Variants in GTF3C1 observed in about 807,000 individuals in gnomAD.
The protein encoded by GTF3C1 is general transcription factor 3C polypeptide 1.
In GTF3C1, 57 loss-of-function variants were observed where a neutral mutation model predicts 226.7. That is an observed-to-expected ratio of 0.25 (90% CI 0.20 to 0.31). The LOEUF (loss-of-function observed/expected upper bound fraction) is 0.31. GTF3C1 is among the 10% of genes least tolerant of loss of function. The pLI, the probability that GTF3C1 is intolerant of heterozygous loss-of-function variation, is 1.00. For missense variants in GTF3C1, 2,217 were observed against 2,776.1 expected (o/e 0.80, Z 4.53); for synonymous variants, 1,090 against 1,084.8 (o/e 1.00, Z -0.09).
rs1479916265 is a variant in GTF3C1, at chr16:27,495,374, T to C, written c.2469A>G (p.Pro823=). 6.2e-7 allele frequency: 1 copy of C among 1,614,176 alleles called. No homozygotes were observed. The highest frequency in any genetic ancestry group is 8.5e-7 in the Non-Finnish European group (1 of 1,179,986). The change falls in exon 15 of 37, where the codon CCA becomes CCG. Residue 823 remains proline (P), a synonymous_variant. Transcript: ENST00000356183. ...TCGTTCTCCGTTCACTGATGAAGCT[T>C]GGCTTCTCCACGGTGTTGCTGGCAG... is the stretch of plus-strand genomic sequence containing the variant. The part of the protein sequence containing the change: ...GHPASNTVEK[P]SFISERRTIK...
intron 27 of GTF3C1, among the ~76,000 whole-genome samples, chr16:27,479,826 T>G (rs553230550): frequency 6.6e-6 from 1 of 152,186 alleles, no homozygotes; most frequent in Admixed American, 6.5e-5. Flanking sequence ...ACAATCAGTA[T>G]TAAACTGTTA....
intron 23 of GTF3C1, among the ~76,000 whole-genome samples, chr16:27,487,791 G>A (rs1214253511): frequency 6.6e-6 from 1 of 152,006 alleles, no homozygotes; most frequent in Non-Finnish European, 1.5e-5. Context: ...AGACTCTGAC[G>A]CAAAAAAATA....
intron 12 of GTF3C1, among the ~76,000 whole-genome samples, chr16:27,499,054 G>A (rs1392911993): frequency 6.6e-6 from 1 of 152,130 alleles, no homozygotes; most frequent in Non-Finnish European, 1.5e-5. Context: ...GGTCTCTGTT[G>A]CTACCTGGAG....
intron 6 of GTF3C1, among the ~76,000 whole-genome samples, chr16:27,514,160 ACAG>A (rs927628887): frequency 4.8e-4 from 73 of 152,294 alleles, no homozygotes; most frequent in African/African-American, 1.6e-3. Context: ...TCCACTCCTC[ACAG>A]CATCAGAAAG....
Position 27,492,955 on chromosome 16 carries a change from G to A in GTF3C1, c.2877-242C>T, listed in dbSNP as rs2088255643. Among the ~76,000 whole-genome samples the A allele has an allele frequency of 6.6e-6, 1 of 151,752 alleles. No individual in the cohort carries two copies. The highest frequency in any genetic ancestry group is 1.5e-5 in the Non-Finnish European group (1 of 67,928). The stretch of plus-strand genomic sequence containing the variant: ...ATTTGGAAAGTAAAAGTAATGAAAG[G>A]GAAAAAAAATTCCGATACTTGCAGA... On this transcript the variant is annotated intron_variant, in intron 17 of 36. Transcript: ENST00000356183. The surrounding 1 kb of genome is among the most constrained non-coding windows in gnomAD (Gnocchi z 5.0).
intron 28 of GTF3C1, among the ~76,000 whole-genome samples, 187 bp from the exon 29 acceptor site, chr16:27,476,731 A>G (rs887082140): frequency 2.6e-5 from 4 of 152,228 alleles, no homozygotes; most frequent in Non-Finnish European, 4.4e-5. Flanking sequence ...TGCAGGAGAA[A>G]AGTTTCTTTT....
At chr16:27,479,315 C>T (rs2088003154) in intron 27 of GTF3C1, among the ~76,000 whole-genome samples, 1 of 146,722 alleles carries the variant, frequency 6.8e-6, no homozygotes, top group African/African-American at 2.6e-5. Flanking sequence ...AAACCATTTC[C>T]CCATTTTTTT....
intron 23 of GTF3C1, 95 bp downstream of exon 23, chr16:27,488,132 G>A: frequency 9.4e-7 from 1 of 1,060,488 alleles, no homozygotes; most frequent in Non-Finnish European, 1.4e-6. Flanking sequence ...CCGTGCTGAA[G>A]GGCAGAGCTC....
chr16:27,543,992 A>G (rs761628864), intron 2 of GTF3C1, among the ~76,000 whole-genome samples: 2 of 152,192 alleles, frequency 1.3e-5, no homozygotes, highest in Admixed American at 1.3e-4. Context: ...GCGTGGGTGC[A>G]GAGTCAAAGA....
At chr16:27,500,196 T>C (rs951033409) in intron 12 of GTF3C1, among the ~76,000 whole-genome samples, 1 of 152,152 alleles carries the variant, frequency 6.6e-6, no homozygotes, top group Non-Finnish European at 1.5e-5. Context: ...GCACTGCTAC[T>C]ACTGGGCTGC....
Position 27,462,339 on chromosome 16 carries a change from G to A in GTF3C1, c.6072C>T (p.His2024=). 1 of 1,570,886 alleles carries A rather than the reference G, an allele frequency of 6.4e-7. No individual in the cohort carries two copies. The highest frequency in any genetic ancestry group is 8.6e-7 in the Non-Finnish European group (1 of 1,158,238). Residue 2024 remains histidine (H), a synonymous_variant, in exon 36 of 37, where the codon CAC becomes CAT. Coordinates refer to ENST00000356183, the MANE Select transcript of GTF3C1 (RefSeq NM_001520.4). The surrounding 1 kb of genome is among the most constrained non-coding windows in gnomAD (Gnocchi z 4.5). ...CGACGGGCTGCAGGACCCCCTGGTA[G>A]TGGCGCAGCAGGGAGCTCTCGGGGA... ...PGIPESSLLR[H]YQGVLQPVAV... is the part of the protein sequence containing the mutation.
chr16:27,481,321 C>G, intron 26 of GTF3C1, 130 bp from the exon 27 acceptor site: 6 of 716,314 alleles, frequency 8.4e-6, no homozygotes, highest in Non-Finnish European at 1.5e-5. Flanking sequence ...GACCAGGTGC[C>G]TCCCCTGGTC....
chr16:27,530,447 G>A (rs150505476), intron 5 of GTF3C1, among the ~76,000 whole-genome samples: 317 of 152,236 alleles, frequency 2.1e-3, no homozygotes, highest in African/African-American at 7.2e-3. Context: ...TGCCATCAAC[G>A]ACGTGCACAA....
chr16:27,542,008 A>T (rs1567417163), intron 2 of GTF3C1, among the ~76,000 whole-genome samples: 1 of 152,210 alleles, frequency 6.6e-6, no homozygotes. Flanking sequence ...TTTAAATATT[A>T]GCAATGAAAT....
rs573422586 is a variant in GTF3C1 at position 27,535,680 on chromosome 16, G to A, written c.752+2104C>T. 2.6e-5 allele frequency among the ~76,000 whole-genome samples: 4 copies of A among 151,816 alleles called. No individual in the cohort carries two copies. The East Asian group carries it at 5.8e-4, about 22-fold the overall frequency. ...GTAAAAAGTGATCTCTTCTGAGGTC[G>A]GGAGTTCAATAACAGCTTGACCAAC... is the stretch of plus-strand genomic sequence containing the variant. On this transcript the variant is annotated intron_variant, in intron 4 of 36. Coordinates refer to ENST00000356183, the MANE Select transcript of GTF3C1 (RefSeq NM_001520.4).
At chr16:27,496,766 C>T (rs1407386993) in intron 14 of GTF3C1, among the ~76,000 whole-genome samples, 1 of 152,204 alleles carries the variant, frequency 6.6e-6, no homozygotes, top group African/African-American at 2.4e-5. Context: ...GCTTGATTTT[C>T]CCCAGTGAGA....
chr16:27,477,935 C>G (rs763586398), intron 28 of GTF3C1, among the ~76,000 whole-genome samples: 3 of 152,106 alleles, frequency 2.0e-5, no homozygotes, highest in Non-Finnish European at 4.4e-5. Flanking sequence ...TTTGAGAGAC[C>G]AAGGTGGGCA....
At chr16:27,549,114 CGCCACT>C (rs1204342845) in intron 1 of GTF3C1, among the ~76,000 whole-genome samples, 3 of 152,008 alleles carry the variant, frequency 2.0e-5, no homozygotes, top group Non-Finnish European at 4.4e-5. Context: ...GCCAAGATCG[CGCCACT>C]GCACTCCAGC....
Position 27,492,335 on chromosome 16 carries a change from C to G in GTF3C1, c.3151+3G>C, listed in dbSNP as rs752864316. 6.4e-7 allele frequency: 1 copy of G among 1,563,186 alleles called. No homozygotes were observed. Among genetic ancestry groups the G allele is most frequent in the Non-Finnish European group, 8.8e-7 (1 of 1,142,050 alleles). On this transcript the variant is annotated splice_donor_region_variant and intron_variant, in intron 19 of 36. Transcript: ENST00000356183. The surrounding 1 kb of genome is among the most constrained non-coding windows in gnomAD (Gnocchi z 5.0). ...AGGTTCAGCCGAGACAGCCGACACC[C>G]ACCTAGTGGGGTGTTGAGGCAGACG... is the stretch of plus-strand genomic sequence containing the variant.
Sources: allele counts gnomAD v4.1 joint callset (sites outside exome capture counted in the v4.1 genomes callset), GRCh38; gene constraint gnomAD v4.1.1; non-coding constraint Gnocchi (gnomAD v3.1); transcripts MANE v1.5; gene names NCBI Gene and HGNC (gene_info 2026-07-23, HGNC 2026-07-21).